Variants in CDH12 observed in about 807,000 individuals in gnomAD.
The protein encoded by CDH12 is cadherin-12.
Under a neutral mutation model 74.1 loss-of-function variants are expected in CDH12, and 41 were observed. The ratio of observed to expected loss-of-function variants is 0.55; its 90% CI spans 0.43 to 0.72. The LOEUF is 0.72. CDH12 is among the 30% of genes least tolerant of loss of function. CDH12 has a pLI of 0.00. For missense variants in CDH12, 945 were observed against 977.2 expected (o/e 0.97, Z 0.44); for synonymous variants, 399 against 355.0 (o/e 1.12, Z -1.39).
intron 4 of CDH12, among the ~76,000 whole-genome samples, chr5:22,140,804 T>C (rs1746746667): frequency 6.6e-6 from 1 of 152,080 alleles, no homozygotes; most frequent in Non-Finnish European, 1.5e-5. Flanking sequence ...ACTCACACCA[T>C]CATGTGAAGT....
chr5:22,063,316 G>C (rs1210316739), intron 5 of CDH12, among the ~76,000 whole-genome samples: 1 of 151,930 alleles, frequency 6.6e-6, no homozygotes, highest in Admixed American at 6.6e-5. Flanking sequence ...AGGTCTTTCT[G>C]GACATTAGTG....
intron 4 of CDH12, among the ~76,000 whole-genome samples, chr5:22,130,403 G>T (rs1746119673): frequency 6.6e-6 from 1 of 151,836 alleles, no homozygotes; most frequent in Non-Finnish European, 1.5e-5. Flanking sequence ...AGATGGATGA[G>T]GTATGGAAGT....
chr5:22,021,152 C>G (rs568231200), intron 5 of CDH12, among the ~76,000 whole-genome samples: 1 of 152,284 alleles, frequency 6.6e-6, no homozygotes, highest in Non-Finnish European at 1.5e-5. Flanking sequence ...GTCATATACA[C>G]TTTGTAACTA....
intron 6 of CDH12, among the ~76,000 whole-genome samples, chr5:21,888,690 A>C (rs1030779845): frequency 6.6e-6 from 1 of 152,142 alleles, no homozygotes; most frequent in Non-Finnish European, 1.5e-5. Context: ...TAAAGTTTGT[A>C]TTGTTATTCC....
At chr5:22,797,816 C>T (rs1404925280) in intron 1 of CDH12, among the ~76,000 whole-genome samples, 1 of 136,052 alleles carries the variant, frequency 7.4e-6, no homozygotes, top group Non-Finnish European at 1.6e-5. Context: ...GAATTCCTTA[C>T]TATTTGTGTG....
intron 1 of CDH12, among the ~76,000 whole-genome samples, chr5:22,813,211 TGG>T (rs893618831): frequency 6.6e-6 from 1 of 152,184 alleles, no homozygotes; most frequent in African/African-American, 2.4e-5. Context: ...CTGGGAGATC[TGG>T]GACAATTATT....
intron 3 of CDH12, among the ~76,000 whole-genome samples, chr5:22,295,630 T>G (rs2028723): frequency 0.017 from 2,631 of 152,072 alleles, 70 homozygotes; most frequent in African/African-American, 0.061. Flanking sequence ...TGAACAAATA[T>G]GTGTTACATC....
At chr5:22,241,527 AT>A in intron 3 of CDH12, among the ~76,000 whole-genome samples, 1 of 152,130 alleles carries the variant, frequency 6.6e-6, no homozygotes, top group East Asian at 1.9e-4. Flanking sequence ...TGTAATTATT[AT>A]TTTTAAAAAG....
chr5:22,401,168 G>A (rs953124259), intron 3 of CDH12, among the ~76,000 whole-genome samples: 6 of 151,554 alleles, frequency 4.0e-5, no homozygotes, highest in Non-Finnish European at 5.9e-5. Flanking sequence ...TGATTCTTTC[G>A]GACACCATTG....
chr5:22,368,982 A>G (rs774598760), intron 3 of CDH12, among the ~76,000 whole-genome samples: 2 of 152,056 alleles, frequency 1.3e-5, no homozygotes, highest in South Asian at 4.2e-4. Context: ...TACAAAAATT[A>G]GCTAGGTGTA....
At chr5:21,983,103 T>A (rs1447421036) in intron 5 of CDH12, among the ~76,000 whole-genome samples, 2 of 152,140 alleles carry the variant, frequency 1.3e-5, no homozygotes, top group Non-Finnish European at 2.9e-5. Flanking sequence ...TTATATTTAC[T>A]TTGGTTTACT....
chr5:22,045,158 A>C (rs916035491), intron 5 of CDH12, among the ~76,000 whole-genome samples: 3 of 152,202 alleles, frequency 2.0e-5, no homozygotes, highest in African/African-American at 7.2e-5. Flanking sequence ...TTTTAAAAGA[A>C]GACATATAAA....
intron 1 of CDH12, among the ~76,000 whole-genome samples, chr5:22,840,111 C>A (rs1354415956): frequency 2.6e-5 from 4 of 151,892 alleles, no homozygotes; most frequent in Non-Finnish European, 4.4e-5. Context: ...AAATCTTTTT[C>A]TTTTTTGTTT....
At chr5:21,784,498 C>G (rs1443272316) in intron 10 of CDH12, among the ~76,000 whole-genome samples, 1 of 152,058 alleles carries the variant, frequency 6.6e-6, no homozygotes, top group Non-Finnish European at 1.5e-5. Context: ...GATGTTTGAA[C>G]CAGGTCATCA....
At chr5:22,097,362 A>T (rs888165746) in intron 4 of CDH12, among the ~76,000 whole-genome samples, 3 of 152,146 alleles carry the variant, frequency 2.0e-5, no homozygotes, top group African/African-American at 7.2e-5. Flanking sequence ...ACCATCACGG[A>T]TGCTGAGCTT....
intron 4 of CDH12, among the ~76,000 whole-genome samples, chr5:22,156,219 T>C (rs1248252460): frequency 6.6e-6 from 1 of 152,168 alleles, no homozygotes; most frequent in Non-Finnish European, 1.5e-5. Context: ...TCTAACCTTC[T>C]TCTGTCTGTA....
At chr5:22,203,123 C>A (rs1432770432) in intron 4 of CDH12, among the ~76,000 whole-genome samples, 1 of 152,096 alleles carries the variant, frequency 6.6e-6, no homozygotes, top group Non-Finnish European at 1.5e-5. Context: ...TCAAAATTTT[C>A]TCTTGTAGCT....
At chr5:22,211,062 A>T in intron 4 of CDH12, among the ~76,000 whole-genome samples, 1 of 152,216 alleles carries the variant, frequency 6.6e-6, no homozygotes, top group Non-Finnish European at 1.5e-5. Context: ...CTCCTCTGGA[A>T]GAAGCACTAA....
At chr5:21,934,526 G>T (rs1202991211) in intron 6 of CDH12, among the ~76,000 whole-genome samples, 1 of 151,926 alleles carries the variant, frequency 6.6e-6, no homozygotes, top group African/African-American at 2.4e-5. Flanking sequence ...GCATAAATGG[G>T]GATATTAATT....
Sources: gnomAD v4.1 joint callset for allele counts (sites outside exome capture counted in the v4.1 genomes callset) on GRCh38, gnomAD v4.1.1 for gene constraint, MANE v1.5 for transcripts, NCBI Gene and HGNC (gene_info 2026-07-23, HGNC 2026-07-21) for gene names.